SPOCK3: variants seen among roughly 807,000 people sequenced by gnomAD.
SPOCK3 encodes the protein testican-3.
Under a neutral mutation model 56.6 loss-of-function variants are expected in SPOCK3, and 30 were observed. The observed-to-expected ratio is 0.53, with a 90% CI of 0.40 to 0.72. The LOEUF (loss-of-function observed/expected upper bound fraction) is 0.72, where lower values mean the gene tolerates loss of function less well. Among genes scored for constraint, SPOCK3 ranks in the 30% least tolerant of loss-of-function variants. The pLI is 0.00. For missense variants in SPOCK3, 527 were observed against 530.0 expected (o/e 0.99, Z 0.06); for synonymous variants, 196 against 183.3 (o/e 1.07, Z -0.56).
At chr4:167,229,828 C>T (rs1339604431) in intron 2 of SPOCK3, among the ~76,000 whole-genome samples, 1 of 151,902 alleles carries the variant, frequency 6.6e-6, no homozygotes, top group African/African-American at 2.4e-5. Context: ...GTTAAATATA[C>T]CCAAAGGATA....
At chr4:166,764,723 T>A (rs2126528086) in intron 7 of SPOCK3, among the ~76,000 whole-genome samples, 1 of 152,282 alleles carries the variant, frequency 6.6e-6, no homozygotes, top group Middle Eastern at 3.4e-3. Flanking sequence ...GATGGCTGGG[T>A]CAAATGGTAT....
intron 4 of SPOCK3, among the ~76,000 whole-genome samples, chr4:166,997,349 T>C (rs1748492347): frequency 1.3e-5 from 2 of 152,096 alleles, no homozygotes; most frequent in Non-Finnish European, 2.9e-5. Flanking sequence ...AAAATCCTCC[T>C]TTTCCTTTTA....
chr4:167,020,059 G>C (rs1201884923), intron 3 of SPOCK3, among the ~76,000 whole-genome samples: 1 of 152,056 alleles, frequency 6.6e-6, no homozygotes, highest in Non-Finnish European at 1.5e-5. Flanking sequence ...TAATTGAAAT[G>C]AGATAACTTT....
intron 4 of SPOCK3, among the ~76,000 whole-genome samples, chr4:166,987,953 A>C (rs1220715720): frequency 6.6e-6 from 1 of 152,132 alleles, no homozygotes; most frequent in Non-Finnish European, 1.5e-5. Flanking sequence ...GTATGGAATA[A>C]TTTTCTCCTC....
At chr4:166,994,076 A>C (rs1748096770) in intron 4 of SPOCK3, among the ~76,000 whole-genome samples, 1 of 152,134 alleles carries the variant, frequency 6.6e-6, no homozygotes, top group Non-Finnish European at 1.5e-5. Flanking sequence ...TTATGCTGAA[A>C]AGCCTTCTCA....
chr4:166,788,456 C>A (rs902568069), intron 7 of SPOCK3, among the ~76,000 whole-genome samples: 4 of 151,912 alleles, frequency 2.6e-5, no homozygotes, highest in African/African-American at 9.7e-5. Context: ...AATTTATATA[C>A]TTTTTATCTC....
chr4:166,789,878 C>A (rs1741149266), intron 7 of SPOCK3, among the ~76,000 whole-genome samples: 1 of 152,136 alleles, frequency 6.6e-6, no homozygotes, highest in Non-Finnish European at 1.5e-5. Flanking sequence ...CTGGCAATAT[C>A]TATTATCTTA....
chr4:166,860,452 A>T (rs1731113941), intron 6 of SPOCK3, among the ~76,000 whole-genome samples: 1 of 152,042 alleles, frequency 6.6e-6, no homozygotes, highest in Non-Finnish European at 1.5e-5. Context: ...AGCGAGAAAG[A>T]GGAGAGAGAG....
chr4:166,822,989 T>C (rs1745084307), intron 6 of SPOCK3, among the ~76,000 whole-genome samples: 1 of 151,976 alleles, frequency 6.6e-6, no homozygotes, highest in South Asian at 2.1e-4. Context: ...TAACCAAAAA[T>C]ACATACTTAG....
chr4:167,211,789 T>A (rs552009584), intron 2 of SPOCK3, among the ~76,000 whole-genome samples: 1 of 152,314 alleles, frequency 6.6e-6, no homozygotes, highest in South Asian at 2.1e-4. Context: ...GAAAAAGGAC[T>A]AATACATGTA....
At chr4:166,744,655 A>G (rs1196797521) in intron 8 of SPOCK3, among the ~76,000 whole-genome samples, 1 of 152,196 alleles carries the variant, frequency 6.6e-6, no homozygotes, top group Non-Finnish European at 1.5e-5. Flanking sequence ...TGACAGAAGT[A>G]GGCTTCAGAA....
intron 6 of SPOCK3, among the ~76,000 whole-genome samples, chr4:166,809,807 T>C (rs1743579331): frequency 6.6e-6 from 1 of 152,082 alleles, no homozygotes; most frequent in Non-Finnish European, 1.5e-5. Flanking sequence ...AGCTAAGCCA[T>C]AGTGCTTCTC....
At chr4:167,182,169 C>T (rs903458638) in intron 2 of SPOCK3, among the ~76,000 whole-genome samples, 10 of 152,130 alleles carry the variant, frequency 6.6e-5, no homozygotes, top group African/African-American at 2.4e-4. Context: ...AGAATGCATA[C>T]TGCCTAATCT....
At chr4:166,769,201 G>A (rs1041462034) in intron 7 of SPOCK3, among the ~76,000 whole-genome samples, 7 of 152,132 alleles carry the variant, frequency 4.6e-5, no homozygotes, top group Admixed American at 6.5e-5. Context: ...AAAGTTATTC[G>A]CTGTCCAGCT....
chr4:167,217,101 G>A (rs190898873), intron 2 of SPOCK3, among the ~76,000 whole-genome samples: 5 of 152,150 alleles, frequency 3.3e-5, no homozygotes, highest in Admixed American at 2.6e-4. Context: ...AAAAATTTAT[G>A]TGGCTACTTT....
chr4:166,941,219 G>A (rs1319415692), intron 4 of SPOCK3, among the ~76,000 whole-genome samples: 1 of 151,970 alleles, frequency 6.6e-6, no homozygotes, highest in East Asian at 1.9e-4. Flanking sequence ...ATTTCTATGG[G>A]AATTTAAAAC....
chr4:167,058,928 T>G (rs1282562573), intron 3 of SPOCK3, among the ~76,000 whole-genome samples: 1 of 152,306 alleles, frequency 6.6e-6, no homozygotes, highest in South Asian at 2.1e-4. Flanking sequence ...TAAATGGTGC[T>G]GGGAAAACTG....
intron 3 of SPOCK3, among the ~76,000 whole-genome samples, chr4:167,013,664 G>A (rs1750317070): frequency 2.0e-5 from 3 of 152,022 alleles, no homozygotes; most frequent in Admixed American, 2.0e-4. Context: ...TCTTTCCGGT[G>A]TTAGAACTGA....
At chr4:167,207,577 C>T (rs185509295) in intron 2 of SPOCK3, among the ~76,000 whole-genome samples, 5 of 152,160 alleles carry the variant, frequency 3.3e-5, no homozygotes, top group African/African-American at 1.2e-4. Context: ...TCATTTATTA[C>T]CTACAAACCC....
Sources: gnomAD v4.1 joint callset for allele counts (sites outside exome capture counted in the v4.1 genomes callset) on GRCh38, gnomAD v4.1.1 for gene constraint, MANE v1.5 for transcripts, NCBI Gene and HGNC (gene_info 2026-07-23, HGNC 2026-07-21) for gene names.